FAM162A: variants seen among roughly 807,000 people sequenced by gnomAD.
FAM162A encodes family with sequence similarity 162 member A.
A neutral mutation model predicts 21.8 loss-of-function variants in FAM162A; 23 were observed. That is an observed-to-expected ratio of 1.05 (90% CI 0.76 to 1.49). FAM162A has a LOEUF of 1.49. FAM162A is among the 40% of genes most tolerant of loss of function. The probability of loss-of-function intolerance (pLI) is 0.00; values close to 1 mark genes in which losing one functional copy is unlikely to be tolerated. For missense variants in FAM162A, 165 were observed against 186.4 expected, an observed-to-expected ratio of 0.89 and a Z score of 0.67; for synonymous variants, 53 against 61.3, an observed-to-expected ratio of 0.86 and a Z score of 0.64.
chr3:122,386,674 A>T (rs942339195), intron 1 of FAM162A, among the ~76,000 whole-genome samples: 2 of 152,158 alleles, frequency 1.3e-5, no homozygotes, highest in African/African-American at 4.8e-5. Context: ...TTAACCTTAT[A>T]AATGATGGAC....
intron 1 of FAM162A, among the ~76,000 whole-genome samples, chr3:122,397,037 CAACTT>C (rs1352041722): frequency 6.6e-6 from 1 of 152,064 alleles, no homozygotes; most frequent in Non-Finnish European, 1.5e-5. Context: ...GATCAATACA[CAACTT>C]AGTGAATATA....
chr3:122,395,426 A>G (rs746754026), intron 1 of FAM162A, among the ~76,000 whole-genome samples: 8 of 152,242 alleles, frequency 5.3e-5, no homozygotes, highest in Admixed American at 6.5e-5. Flanking sequence ...TAAATGGGCA[A>G]TAAATAATGC....
rs181265174 is a variant in FAM162A at position 122,409,742 on chromosome 3, G to T, written c.376G>T (p.Ala126Ser). Residue 126 changes from alanine to serine, a missense_variant, in exon 5 of 5, where the codon GCC (alanine) becomes TCC (serine). Transcript: ENST00000477892. ...GTTCAAATCTGTTTTGCTTTAGGCT[G>T]CCCAAAGACACGAGACTTTAACAAG... The part of the protein sequence containing the change: ...IFMVIEGKKA[A>S]QRHETLTSLN... The T allele has an allele frequency of 9.9e-6, 16 of 1,613,904 alleles. No homozygotes were observed. Among genetic ancestry groups the T allele is most frequent in the Middle Eastern group, 1.6e-4 (1 of 6,082 alleles).
intron 1 of FAM162A, among the ~76,000 whole-genome samples, chr3:122,389,410 GAT>G (rs2075589757): frequency 6.6e-6 from 1 of 151,842 alleles, no homozygotes; most frequent in Non-Finnish European, 1.5e-5. Context: ...TAGATAGATA[GAT>G]AGATAGATAG....
intron 1 of FAM162A, chr3:122,401,648 A>T (rs2075653983): frequency 1.5e-6 from 1 of 680,550 alleles, no homozygotes; most frequent in Non-Finnish European, 2.0e-6. Flanking sequence ...TAAAAAAAAA[A>T]AATAGCCATT....
rs1394353739 is a variant in FAM162A, at chr3:122,409,828, G to A, written c.462G>A (p.Glu154=). The part of the protein sequence containing the change: ...KEEAAMKAKT[E] ...AAGCAGCTATGAAGGCCAAAACAGA[G>A]TAGCAGAGGTATCCGTGTTGGCTGG... Residue 154 remains glutamate, a synonymous_variant, in exon 5 of 5, where the codon GAG becomes GAA. Coordinates refer to ENST00000477892, the MANE Select transcript of FAM162A (RefSeq NM_014367.4). 2.5e-6 allele frequency: 4 copies of A among 1,613,422 alleles called. No homozygotes were observed. The highest frequency in any genetic ancestry group is 3.4e-6 in the Non-Finnish European group (4 of 1,179,372).
At chr3:122,403,005 AT>A (rs2075659989) in intron 2 of FAM162A, 123 bp downstream of exon 2, 3 of 1,125,086 alleles carry the variant, frequency 2.7e-6, no homozygotes, top group African/African-American at 3.2e-5. Flanking sequence ...GAGAGAACAC[AT>A]TGTGTTCACA....
At position 122,405,071 on chromosome 3, in the gene FAM162A, G is replaced by A. The variant is rs117805390; in HGVS notation, c.263+708G>A. ...TGCCAAATGTCCAAGGGGCACGAGC[G>A]GGGTGGGAATCTCCCCTGGTTGAGA... is the stretch of plus-strand genomic sequence containing the variant. On this transcript the variant is annotated intron_variant, in intron 3 of 4. Transcript: ENST00000477892. Among the ~76,000 whole-genome samples the A allele has an allele frequency of 2.9e-4, 44 of 152,296 alleles. No homozygotes were observed. The East Asian group carries it at 4.4e-3, about 15-fold the overall frequency.
At position 122,409,823 on chromosome 3, in the gene FAM162A, A is replaced by T; in HGVS notation, c.457A>T (p.Thr153Ser). 2.5e-6 allele frequency: 4 copies of T among 1,613,886 alleles called. No homozygotes were observed. Among genetic ancestry groups the T allele is most frequent in the Non-Finnish European group, 3.4e-6 (4 of 1,179,778 alleles). The change falls in exon 5 of 5, where the codon ACA becomes TCA. Residue 153 changes from threonine to serine, a missense_variant. Thr to Ser is a moderately conservative substitution (Grantham distance 58). Coordinates refer to ENST00000477892, the MANE Select transcript of FAM162A (RefSeq NM_014367.4). ...LKEEAAMKAKTE is the reference protein window; with the variant it reads ...LKEEAAMKAKSE ...AGAGGAAGCAGCTATGAAGGCCAAA[A>T]CAGAGTAGCAGAGGTATCCGTGTTG... is the stretch of plus-strand genomic sequence containing the variant.
intron 4 of FAM162A, among the ~76,000 whole-genome samples, chr3:122,408,749 T>G (rs1424494221): frequency 6.6e-6 from 1 of 152,218 alleles, no homozygotes; most frequent in African/African-American, 2.4e-5. Context: ...TTTTGTATAC[T>G]CGATTGTACT....
At chr3:122,386,465 A>G (rs1246415926) in intron 1 of FAM162A, among the ~76,000 whole-genome samples, 2 of 151,966 alleles carry the variant, frequency 1.3e-5, no homozygotes, top group East Asian at 3.9e-4. Context: ...AGGCAAGAGG[A>G]TCACTTGAGC....
chr3:122,398,895 A>T (rs1231242682), intron 1 of FAM162A, among the ~76,000 whole-genome samples: 25 of 149,810 alleles, frequency 1.7e-4, no homozygotes, highest in Admixed American at 1.7e-3. Context: ...ACAATCTAGT[A>T]AGGGGTAGAT....
intron 1 of FAM162A, among the ~76,000 whole-genome samples, chr3:122,385,223 GTT>G (rs2107693711): frequency 6.6e-6 from 1 of 152,184 alleles, no homozygotes; most frequent in East Asian, 1.9e-4. Flanking sequence ...AGTTTCACAA[GTT>G]TGATACATAA....
intron 1 of FAM162A, among the ~76,000 whole-genome samples, chr3:122,393,605 C>G (rs1164613389): frequency 6.6e-6 from 1 of 152,216 alleles, no homozygotes; most frequent in Non-Finnish European, 1.5e-5. Flanking sequence ...ACCCCACTCA[C>G]AGGGCTTATC....
chr3:122,397,368 TC>T (rs2075633421), intron 1 of FAM162A, among the ~76,000 whole-genome samples: 1 of 152,194 alleles, frequency 6.6e-6, no homozygotes, highest in South Asian at 2.1e-4. Flanking sequence ...GTTTGGAACT[TC>T]CAAGGCACAG....
At chr3:122,401,297 T>C (rs2075652527) in intron 1 of FAM162A, 1 of 611,756 alleles carries the variant, frequency 1.6e-6, no homozygotes, top group Non-Finnish European at 2.1e-6. Context: ...GTATCTCTTA[T>C]TTTGTGTGCT....
chr3:122,406,143 C>T (rs1254813357), intron 3 of FAM162A, among the ~76,000 whole-genome samples: 1 of 152,210 alleles, frequency 6.6e-6, no homozygotes, highest in Non-Finnish European at 1.5e-5. Flanking sequence ...AAAGAAAGCA[C>T]TTCAATCCCA....
chr3:122,407,516 G>A, intron 4 of FAM162A, 127 bp downstream of exon 4: 13 of 640,368 alleles, frequency 2.0e-5, no homozygotes, highest in Middle Eastern at 3.2e-4. Context: ...CATGAGAAAA[G>A]ATAAGCAAAA....
At chr3:122,401,327 T>C in intron 1 of FAM162A, 1 of 940,140 alleles carries the variant, frequency 1.1e-6, no homozygotes, top group African/African-American at 1.8e-5. Context: ...CATATGTCGA[T>C]TTATTTTGCC....
Sources: gnomAD v4.1 joint callset for allele counts (sites outside exome capture counted in the v4.1 genomes callset) on GRCh38, gnomAD v4.1.1 for gene constraint, MANE v1.5 for transcripts, NCBI Gene and HGNC (gene_info 2026-07-23, HGNC 2026-07-21) for gene names.